Variants in LSM3 observed in about 807,000 individuals in gnomAD.
LSM3 encodes the protein U6 snRNA-associated Sm-like protein LSm3.
A neutral mutation model predicts 15.4 loss-of-function variants in LSM3; 14 were observed. The observed-to-expected ratio is 0.91, with a 90% confidence interval of 0.60 to 1.42. The LOEUF is 1.42. Among genes scored for constraint, LSM3 ranks in the 40% most tolerant of loss-of-function variants. The probability of loss-of-function intolerance (pLI) is 0.00; values close to 1 mark genes in which losing one functional copy is unlikely to be tolerated. For synonymous variants in LSM3, 46 were observed against 45.1 expected, an observed-to-expected ratio of 1.02 and a Z score of -0.08; for missense variants, 88 against 127.9, an observed-to-expected ratio of 0.69 and a Z score of 1.50.
intron 3 of LSM3, 42 bp downstream of exon 3, chr3:14,184,074 T>C: frequency 6.3e-7 from 1 of 1,577,058 alleles, no homozygotes; most frequent in East Asian, 2.3e-5. Flanking sequence ...AAATATCAGC[T>C]GTTCTCTCTC....
At chr3:14,190,420 C>T (rs1370083985) in intron 3 of LSM3, among the ~76,000 whole-genome samples, 3 of 152,138 alleles carry the variant, frequency 2.0e-5, no homozygotes, top group Non-Finnish European at 4.4e-5. Flanking sequence ...TTCTTCCTAT[C>T]CATGAGCATG....
chr3:14,190,286 T>C (rs1357594602), intron 3 of LSM3, among the ~76,000 whole-genome samples: 1 of 152,218 alleles, frequency 6.6e-6, no homozygotes, highest in Non-Finnish European at 1.5e-5. Flanking sequence ...AGGCTCTTTT[T>C]GGTTTCATAT....
At chr3:14,183,227 G>A (rs1389747417) in intron 2 of LSM3, among the ~76,000 whole-genome samples, 2 of 152,170 alleles carry the variant, frequency 1.3e-5, no homozygotes, top group East Asian at 3.8e-4. Context: ...CTTTTATTTT[G>A]ATGTGAGCAG....
intron 3 of LSM3, among the ~76,000 whole-genome samples, chr3:14,197,217 A>G (rs917611080): frequency 2.0e-5 from 3 of 152,210 alleles, no homozygotes; most frequent in African/African-American, 7.2e-5. Flanking sequence ...AAAACCAACT[A>G]GTTCTTGCCT....
chr3:14,193,337 G>A (rs185588266), intron 3 of LSM3, among the ~76,000 whole-genome samples: 2 of 152,296 alleles, frequency 1.3e-5, no homozygotes, highest in East Asian at 3.9e-4. Flanking sequence ...TTACTAGGTT[G>A]GGGAAGTTCT....
intron 3 of LSM3, among the ~76,000 whole-genome samples, chr3:14,191,567 C>T (rs1189609737): frequency 3.9e-5 from 6 of 152,168 alleles, no homozygotes; most frequent in Non-Finnish European, 7.3e-5. Flanking sequence ...AGTTTATTTG[C>T]GTAGAGATGT....
intron 2 of LSM3, among the ~76,000 whole-genome samples, chr3:14,181,901 T>C (rs1574987139): frequency 1.3e-5 from 2 of 152,342 alleles, no homozygotes; most frequent in Admixed American, 1.3e-4. Context: ...ATTTTTCCCT[T>C]CTGTTTATTT....
intron 3 of LSM3, among the ~76,000 whole-genome samples, chr3:14,187,149 T>G (rs1449873897): frequency 6.6e-6 from 1 of 152,230 alleles, no homozygotes; most frequent in Non-Finnish European, 1.5e-5. Context: ...TCCCTAGTAG[T>G]CTGCTCCAAG....
At chr3:14,184,647 C>T (rs973775095) in intron 3 of LSM3, among the ~76,000 whole-genome samples, 35 of 150,610 alleles carry the variant, frequency 2.3e-4, no homozygotes, top group Admixed American at 3.3e-4. Flanking sequence ...GTCCCAGCTA[C>T]TTGGGAGGCT....
intron 3 of LSM3, among the ~76,000 whole-genome samples, chr3:14,195,088 T>G (rs1697176508): frequency 6.6e-6 from 1 of 152,162 alleles, no homozygotes; most frequent in Non-Finnish European, 1.5e-5. Context: ...ACGTAATTAT[T>G]CTACGTAGGT....
rs58504064 is a variant in LSM3 at position 14,195,949 on chromosome 3, G to GTT, written c.229-2071_229-2070dup. 1.8e-3 allele frequency among the ~76,000 whole-genome samples: 243 copies of GTT among 138,474 alleles called. 4 individuals carry two copies. Among genetic ancestry groups the GTT allele is most frequent in the Admixed American group, 5.9e-3 (82 of 13,936 alleles). The allele number at this position is 138,474 out of a possible 152,430, so 90.8% of individuals were successfully genotyped here. A position where few individuals can be genotyped will look rare whatever the true frequency, so the allele number is the denominator to read the frequency against. On this transcript the variant is annotated intron_variant, in intron 3 of 3. Coordinates refer to ENST00000306024, the MANE Select transcript of LSM3 (RefSeq NM_014463.3). ...CCCTTGGCTATCTTGAGCTTTGTGAGTTTTTTTTTTTTTTTTTCTTTGAGA... is the reference window on the plus strand; with the variant it reads ...CCCTTGGCTATCTTGAGCTTTGTGAGTTTTTTTTTTTTTTTTTTTCTTTGAGA...
intron 3 of LSM3, among the ~76,000 whole-genome samples, chr3:14,190,417 T>G (rs1391953595): frequency 6.6e-6 from 1 of 152,250 alleles, no homozygotes; most frequent in Non-Finnish European, 1.5e-5. Flanking sequence ...TGATTCTTCC[T>G]ATCCATGAGC....
At chr3:14,193,793 T>C (rs1697163396) in intron 3 of LSM3, among the ~76,000 whole-genome samples, 1 of 152,234 alleles carries the variant, frequency 6.6e-6, no homozygotes, top group South Asian at 2.1e-4. Context: ...TTCATCAGAC[T>C]CATTCTCCGT....
At chr3:14,182,271 C>T (rs948042464) in intron 2 of LSM3, among the ~76,000 whole-genome samples, 1 of 151,906 alleles carries the variant, frequency 6.6e-6, no homozygotes, top group Non-Finnish European at 1.5e-5. Flanking sequence ...TACATGTGCA[C>T]ATACTTGCAT....
At chr3:14,179,674 C>T (rs931207824) in intron 1 of LSM3, among the ~76,000 whole-genome samples, 1 of 152,080 alleles carries the variant, frequency 6.6e-6, no homozygotes, top group Non-Finnish European at 1.5e-5. Flanking sequence ...GCCATAAGAG[C>T]AGGGATTTTG....
rs145805608 is a variant in LSM3 at position 14,194,775 on chromosome 3, C to CTTTTTT, written c.229-3239_229-3234dup. Reference sequence around the variant, plus strand: ...TCTCTGATATTGAGTTTATAGCATCCTTTTTTTTTTTTTTTTTTTTTTTTT... The same window carrying CTTTTTT: ...TCTCTGATATTGAGTTTATAGCATCCTTTTTTTTTTTTTTTTTTTTTTTTTTTTTTT... On this transcript the variant is annotated intron_variant, in intron 3 of 3. Transcript: ENST00000306024. Among the ~76,000 whole-genome samples the CTTTTTT allele has an allele frequency of 7.9e-5, 7 of 88,774 alleles. No homozygotes were observed. The East Asian group carries it at 1.3e-3, about 17-fold the overall frequency. 58.2% of individuals were successfully genotyped at this position (88,774 alleles called of 152,430 possible).
intron 2 of LSM3, among the ~76,000 whole-genome samples, chr3:14,182,451 T>C (rs1697048647): frequency 6.6e-6 from 1 of 152,232 alleles, no homozygotes; most frequent in African/African-American, 2.4e-5. Context: ...TCGATTTTTT[T>C]TCATTTCTTG....
chr3:14,190,956 G>A (rs1697133725), intron 3 of LSM3, among the ~76,000 whole-genome samples: 1 of 152,162 alleles, frequency 6.6e-6, no homozygotes, highest in African/African-American at 2.4e-5. Context: ...TTTGAGATAT[G>A]TTTCATTGAT....
intron 1 of LSM3, among the ~76,000 whole-genome samples, chr3:14,180,289 C>G (rs1336528993): frequency 6.7e-6 from 1 of 150,136 alleles, no homozygotes; most frequent in East Asian, 1.9e-4. Context: ...CTTTTTTTTT[C>G]TATTCTTTTC....
Sources: allele counts gnomAD v4.1 joint callset (sites outside exome capture counted in the v4.1 genomes callset), GRCh38; gene constraint gnomAD v4.1.1; transcripts MANE v1.5; gene names NCBI Gene and HGNC (gene_info 2026-07-23, HGNC 2026-07-21).